Variants in BEAN1 observed in about 807,000 individuals in gnomAD.
BEAN1 encodes brain expressed associated with NEDD4 1.
In BEAN1, 17 loss-of-function variants were observed where a neutral mutation model predicts 17.7. The ratio of observed to expected loss-of-function variants is 0.96; its 90% CI spans 0.66 to 1.44. The LOEUF is 1.44. Among genes scored for constraint, BEAN1 ranks in the 40% most tolerant of loss-of-function variants. BEAN1 has a pLI of 0.00. For missense variants in BEAN1, 359 were observed against 374.1 expected (o/e 0.96, Z 0.33); for synonymous variants, 142 against 151.8 (o/e 0.94, Z 0.47).
At chr16:66,492,504 A>C (rs1431149181) in intron 4 of BEAN1, among the ~76,000 whole-genome samples, 1 of 151,578 alleles carries the variant, frequency 6.6e-6, no homozygotes, top group Non-Finnish European at 1.5e-5. Flanking sequence ...CAGTGGTGCA[A>C]TCTGTCCTCA....
intron 3 of BEAN1, among the ~76,000 whole-genome samples, chr16:66,476,755 T>C (rs1217760721): frequency 6.6e-6 from 1 of 152,222 alleles, no homozygotes; most frequent in East Asian, 1.9e-4. Flanking sequence ...TCCAGCAGCA[T>C]TTCCTAAACA....
chr16:66,492,236 T>C lies in BEAN1; in HGVS notation c.148-726T>C, dbSNP rs564700973. On this transcript the variant is annotated intron_variant, in intron 4 of 4. Coordinates refer to the BEAN1 transcript ENST00000561796. ...TTTGTATTTTTAGTAGAGACGGGGTTTCACCATGTTGGCCAGGCTGGTCTC... is the reference window on the plus strand; with the variant it reads ...TTTGTATTTTTAGTAGAGACGGGGTCTCACCATGTTGGCCAGGCTGGTCTC... 1.2e-4 allele frequency among the ~76,000 whole-genome samples: 18 copies of C among 151,894 alleles called. No homozygotes were observed. The East Asian group carries it at 2.7e-3, about 23-fold the overall frequency.
chr16:66,454,729 C>CTTTTT (rs538469751), intron 2 of BEAN1, among the ~76,000 whole-genome samples: 303 of 83,248 alleles, frequency 3.6e-3, no homozygotes, highest in Middle Eastern at 0.012. Context: ...TTCTTTCTTT[C>CTTTTT]TTTTTTTTTT....
At chr16:66,459,807 C>T (rs1013757892) in intron 2 of BEAN1, among the ~76,000 whole-genome samples, 1 of 152,240 alleles carries the variant, frequency 6.6e-6, no homozygotes, top group Non-Finnish European at 1.5e-5. Context: ...GGATTTATCA[C>T]TGATGGGCAG....
intron 2 of BEAN1, among the ~76,000 whole-genome samples, chr16:66,446,011 C>T (rs1041031720): frequency 3.9e-5 from 6 of 152,006 alleles, no homozygotes; most frequent in Admixed American, 6.6e-5. Flanking sequence ...AGTGAAACCC[C>T]GTCTCTACTA....
chr16:66,486,109 CAA>C (rs1186425486), downstream of BEAN1: 2 of 152,182 alleles, frequency 1.3e-5, no homozygotes, highest in African/African-American at 2.4e-5. Flanking sequence ...TAATCCAAAA[CAA>C]AGAGATCCTC....
intron 2 of BEAN1, among the ~76,000 whole-genome samples, chr16:66,452,292 G>C (rs73592653): frequency 0.025 from 3,769 of 152,260 alleles, 163 homozygotes; most frequent in African/African-American, 0.087. Context: ...ATAAGCCCTA[G>C]TATACTAATT....
In BEAN1 at chr16:66,480,805, C is replaced by G; in HGVS notation, c.660C>G (p.Cys220Trp). ...MDTLPPYEAVCGAGPPSGLLP... is the reference protein window; with the variant it reads ...MDTLPPYEAVWGAGPPSGLLP... ...CCCTTCCCCCCTACGAGGCTGTGTGCGGGGCTGGCCCCCCATCAGGCCTGC... is the reference window on the plus strand; with the variant it reads ...CCCTTCCCCCCTACGAGGCTGTGTGGGGGGCTGGCCCCCCATCAGGCCTGC... The change falls in exon 5 of 5, where the codon TGC becomes TGG. Residue 220 changes from cysteine (C) to tryptophan (W), a missense_variant. By Grantham distance (215) the Cys-to-Trp change is radical. Transcript: ENST00000536005. The G allele has an allele frequency of 1.3e-6, 2 of 1,544,324 alleles. No individual in the cohort carries two copies. Among genetic ancestry groups the G allele is most frequent in the East Asian group, 4.9e-5 (2 of 40,724 alleles).
chr16:66,450,496 G>A (rs541820649), intron 2 of BEAN1, among the ~76,000 whole-genome samples: 2 of 152,176 alleles, frequency 1.3e-5, no homozygotes, highest in East Asian at 3.9e-4. Context: ...CGGGAGGATC[G>A]CTTGAGGCCA....
rs1417188497 is a variant in BEAN1, at chr16:66,481,473, T to G, written c.*548T>G. 1.0e-5 allele frequency: 4 copies of G among 383,800 alleles called. No individual in the cohort carries two copies. The highest frequency in any genetic ancestry group is 4.5e-5 in the Admixed American group (1 of 22,170). 23.8% of individuals were successfully genotyped at this position (383,800 alleles called of 1,614,324 possible). ...GGTTCCGTTGTGCGCTGTGCCTATC[T>G]CTCGATTCCAGGGCAGATGAGCCAC... On this transcript the variant is annotated 3_prime_UTR_variant, in exon 5 of 5. Coordinates refer to ENST00000536005, the MANE Select transcript of BEAN1 (RefSeq NM_001178020.3). The surrounding 1 kb of genome is among the most constrained non-coding windows in gnomAD (Gnocchi z 4.1).
intron 2 of BEAN1, among the ~76,000 whole-genome samples, chr16:66,463,481 T>C (rs939537810): frequency 1.3e-5 from 2 of 152,220 alleles, no homozygotes; most frequent in Admixed American, 6.5e-5. Flanking sequence ...ACAATTTTTT[T>C]AATTGGGTTG....
Position 66,434,701 on chromosome 16 carries a change from T to C in BEAN1, c.-82-2894T>C, listed in dbSNP as rs1961946926. 6.6e-6 allele frequency among the ~76,000 whole-genome samples: 1 copy of C among 152,120 alleles called. No individual in the cohort carries two copies. Among genetic ancestry groups the C allele is most frequent in the African/African-American group, 2.4e-5 (1 of 41,412 alleles). ...GTGGCAGCCCGGGTTACTGTTGGCA[T>C]CGTGGTCACCAATGGTGACAAGATG... is the stretch of plus-strand genomic sequence containing the variant. On this transcript the variant is annotated intron_variant, in intron 1 of 4. Coordinates refer to ENST00000536005, the MANE Select transcript of BEAN1 (RefSeq NM_001178020.3). The surrounding 1 kb of genome is among the most constrained non-coding windows in gnomAD (Gnocchi z 4.3).
intron 2 of BEAN1, among the ~76,000 whole-genome samples, chr16:66,463,473 A>G (rs1433543194): frequency 6.6e-6 from 1 of 152,168 alleles, no homozygotes; most frequent in East Asian, 1.9e-4. Context: ...ATCTTTTGAC[A>G]ATTTTTTTAA....
chr16:66,474,386 C>A (rs972600638), intron 3 of BEAN1, among the ~76,000 whole-genome samples: 1 of 151,572 alleles, frequency 6.6e-6, no homozygotes, highest in Non-Finnish European at 1.5e-5. Context: ...ACAAGGCAAC[C>A]AAAGTGACAG....
intron 4 of BEAN1, among the ~76,000 whole-genome samples, chr16:66,492,792 A>AC (rs1964192678): frequency 6.6e-6 from 1 of 152,052 alleles, no homozygotes. Flanking sequence ...GCCTCAGTGT[A>AC]CCCCTGATCA....
intron 2 of BEAN1, among the ~76,000 whole-genome samples, chr16:66,447,336 C>A (rs1962493850): frequency 6.6e-6 from 1 of 152,192 alleles, no homozygotes; most frequent in Admixed American, 6.5e-5. Context: ...ACCGCTGGAG[C>A]AAACGTATTT....
downstream of BEAN1, among the ~76,000 whole-genome samples, chr16:66,493,707 C>A (rs941930995): frequency 6.6e-6 from 1 of 152,140 alleles, no homozygotes; most frequent in African/African-American, 2.4e-5. Context: ...CAGCTCTGCC[C>A]GACACCAGGT....
chr16:66,477,998 G>A (rs1963826604), intron 4 of BEAN1: 4 of 281,572 alleles, frequency 1.4e-5, no homozygotes, highest in Non-Finnish European at 2.6e-5. Flanking sequence ...TTCAGGGGAG[G>A]TTCCGTGGCA....
At chr16:66,450,673 G>C (rs928489569) in intron 2 of BEAN1, among the ~76,000 whole-genome samples, 1 of 152,090 alleles carries the variant, frequency 6.6e-6, no homozygotes, top group African/African-American at 2.4e-5. Flanking sequence ...AGCTATGATT[G>C]TGCCACTGTA....
Sources: gnomAD v4.1 joint callset for allele counts (sites outside exome capture counted in the v4.1 genomes callset) on GRCh38, gnomAD v4.1.1 for gene constraint, Gnocchi (gnomAD v3.1) non-coding constraint, MANE v1.5 for transcripts, NCBI Gene and HGNC (gene_info 2026-07-23, HGNC 2026-07-21) for gene names.